Variants in ELAVL2 observed in about 807,000 individuals in gnomAD.
ELAVL2 encodes the protein ELAV like RNA binding protein 2, also known as ELAV-like protein 2.
ELAVL2 carries 4 observed loss-of-function variants against 34.6 expected under a neutral mutation model. That is an observed-to-expected ratio of 0.12 (90% CI 0.06 to 0.26). The LOEUF (loss-of-function observed/expected upper bound fraction) is 0.26, where lower values mean the gene tolerates loss of function less well. ELAVL2 is among the 10% of genes least tolerant of loss of function. ELAVL2 has a pLI of 1.00. For missense variants in ELAVL2, 432 were observed against 442.8 expected, an observed-to-expected ratio of 0.98 and a Z score of 0.22; for synonymous variants, 193 against 154.8, an observed-to-expected ratio of 1.25 and a Z score of -1.83.
Position 23,705,039 on chromosome 9 carries a change from G to T in ELAVL2, c.366C>A (p.Ile122=). 6.2e-7 allele frequency: 1 copy of T among 1,614,090 alleles called. No homozygotes were observed. The highest frequency in any genetic ancestry group is 8.5e-7 in the Non-Finnish European group (1 of 1,179,978). Residue 122 remains isoleucine (I), a synonymous_variant, in exon 4 of 7, where the codon ATC becomes ATA. Transcript: ENST00000397312. The part of the protein sequence containing the change: ...VSYARPSSAS[I]RDANLYVSGL... ...CGCTGACATATAAATTTGCATCTCT[G>T]ATAGAAGCTGAACTTGGGCGAGCAT...
chr9:23,717,663 T>A (rs900077910), intron 3 of ELAVL2, among the ~76,000 whole-genome samples: 1 of 152,150 alleles, frequency 6.6e-6, no homozygotes, highest in African/African-American at 2.4e-5. Flanking sequence ...CACAGAGGCC[T>A]CTAGACAGCA....
At chr9:23,847,655 T>C in the ELAVL2 span, among the ~76,000 whole-genome samples, 1 of 152,126 alleles carries the variant, frequency 6.6e-6, no homozygotes, top group Non-Finnish European at 1.5e-5. Context: ...GTTTGTATTT[T>C]GTAGAAAAAA....
chr9:23,802,551 A>G (rs552346830), intron 1 of ELAVL2, among the ~76,000 whole-genome samples: 12 of 152,242 alleles, frequency 7.9e-5, no homozygotes, highest in African/African-American at 2.9e-4. Flanking sequence ...ACAGATTCCA[A>G]GTTTTAAGAC....
chr9:23,759,120 A>G (rs1227018910), intron 2 of ELAVL2, among the ~76,000 whole-genome samples: 4 of 152,116 alleles, frequency 2.6e-5, no homozygotes, highest in Non-Finnish European at 5.9e-5. Flanking sequence ...ACGCATATCC[A>G]TATTTATTGC....
the ELAVL2 span, among the ~76,000 whole-genome samples, chr9:23,849,272 G>A: frequency 4.6e-5 from 7 of 152,326 alleles, no homozygotes; most frequent in Admixed American, 2.0e-4. Flanking sequence ...AGAGGGAGGA[G>A]AGGAGAGGGC....
At chr9:23,697,690 A>C (rs970679811) in intron 5 of ELAVL2, among the ~76,000 whole-genome samples, 1 of 152,156 alleles carries the variant, frequency 6.6e-6, no homozygotes, top group Non-Finnish European at 1.5e-5. Context: ...CTAGGTGTTC[A>C]TAAGTAGAAA....
At chr9:23,733,700 T>C (rs76107471) in intron 2 of ELAVL2, among the ~76,000 whole-genome samples, 1,669 of 152,300 alleles carry the variant, frequency 0.011, 33 homozygotes, top group African/African-American at 0.038. Flanking sequence ...CTTGCTTACT[T>C]CCTACTTAGC....
intron 3 of ELAVL2, among the ~76,000 whole-genome samples, chr9:23,727,769 C>T (rs529774048): frequency 8.7e-4 from 132 of 152,118 alleles, no homozygotes; most frequent in African/African-American, 3.1e-3. Flanking sequence ...TCACTTCACT[C>T]ACCATGGAAA....
intron 1 of ELAVL2, among the ~76,000 whole-genome samples, chr9:23,780,036 T>C (rs2058843933): frequency 2.8e-5 from 3 of 108,482 alleles, no homozygotes; most frequent in African/African-American, 3.3e-5. Flanking sequence ...AAAAAAAAAC[T>C]TCATGAACTT....
At chr9:23,720,184 T>C (rs10966043) in intron 3 of ELAVL2, among the ~76,000 whole-genome samples, 1,844 of 151,606 alleles carry the variant, frequency 0.012, 35 homozygotes, top group African/African-American at 0.041. Context: ...TTCACCTTTT[T>C]TTTTTGAGAC....
chr9:23,697,335 A>T (rs2035605869), intron 5 of ELAVL2, among the ~76,000 whole-genome samples: 1 of 152,190 alleles, frequency 6.6e-6, no homozygotes, highest in Non-Finnish European at 1.5e-5. Flanking sequence ...ACACAAGATA[A>T]TCCAACATGC....
intron 1 of ELAVL2, among the ~76,000 whole-genome samples, chr9:23,767,190 T>C (rs1181537720): frequency 6.6e-6 from 1 of 152,174 alleles, no homozygotes; most frequent in Non-Finnish European, 1.5e-5. Flanking sequence ...ACACAGGTAC[T>C]TCCAAAAAGC....
At chr9:23,843,516 A>G in the ELAVL2 span, among the ~76,000 whole-genome samples, 5 of 152,136 alleles carry the variant, frequency 3.3e-5, no homozygotes, top group African/African-American at 1.2e-4. Flanking sequence ...TCAGATTAAT[A>G]GTACTTCCCT....
At chr9:23,765,795 G>T (rs2056117823) in intron 1 of ELAVL2, among the ~76,000 whole-genome samples, 1 of 152,112 alleles carries the variant, frequency 6.6e-6, no homozygotes, top group South Asian at 2.1e-4. Flanking sequence ...GCTCGCATAG[G>T]ATGTCAGCTT....
intron 1 of ELAVL2, among the ~76,000 whole-genome samples, chr9:23,780,694 A>G (rs930313637): frequency 6.6e-5 from 10 of 152,338 alleles, no homozygotes; most frequent in Admixed American, 6.5e-4. Context: ...CACCCAAAAC[A>G]TAAGCACTAT....
intron 1 of ELAVL2, among the ~76,000 whole-genome samples, chr9:23,768,764 T>C (rs879665090): frequency 6.6e-6 from 1 of 152,138 alleles, no homozygotes; most frequent in Non-Finnish European, 1.5e-5. Flanking sequence ...GTTATGGATA[T>C]GGGCATGTGG....
At chr9:23,744,581 C>G (rs1050144079) in intron 2 of ELAVL2, among the ~76,000 whole-genome samples, 1 of 151,936 alleles carries the variant, frequency 6.6e-6, no homozygotes, top group Non-Finnish European at 1.5e-5. Context: ...TTCTAGTTAT[C>G]CTAATTGACA....
intron 2 of ELAVL2, among the ~76,000 whole-genome samples, chr9:23,757,041 G>C (rs547361097): frequency 1.3e-5 from 2 of 152,114 alleles, no homozygotes; most frequent in African/African-American, 4.8e-5. Flanking sequence ...TCTGACAACA[G>C]ATTCCAAAAC....
At chr9:23,719,848 G>C (rs142704990) in intron 3 of ELAVL2, among the ~76,000 whole-genome samples, 250 of 147,126 alleles carry the variant, frequency 1.7e-3, no homozygotes, top group Non-Finnish European at 2.8e-3. Context: ...TTTTGAGATG[G>C]GAGTTTTGCT....
Sources: gnomAD v4.1 joint callset for allele counts (sites outside exome capture counted in the v4.1 genomes callset) on GRCh38, gnomAD v4.1.1 for gene constraint, MANE v1.5 for transcripts, NCBI Gene and HGNC (gene_info 2026-07-23, HGNC 2026-07-21) for gene names.